NFATC2: variants seen among roughly 807,000 people sequenced by gnomAD.
The protein encoded by NFATC2 is nuclear factor of activated T-cells, cytoplasmic 2.
A neutral mutation model predicts 87.3 loss-of-function variants in NFATC2; 22 were observed. The ratio of observed to expected loss-of-function variants is 0.25; its 90% CI spans 0.18 to 0.36. The LOEUF is 0.36. NFATC2 is among the 10% of genes least tolerant of loss of function. The pLI is 1.00. For missense variants in NFATC2, 1,149 were observed against 1,259.1 expected, an observed-to-expected ratio of 0.91 and a Z score of 1.32; for synonymous variants, 565 against 542.2, an observed-to-expected ratio of 1.04 and a Z score of -0.58.
intron 6 of NFATC2, among the ~76,000 whole-genome samples, chr20:51,443,945 G>A (rs562512802): frequency 2.0e-4 from 30 of 152,112 alleles, no homozygotes; most frequent in African/African-American, 7.0e-4. Context: ...AAAAAAATAG[G>A]GTGGGGGGAT....
chr20:51,539,181 C>T (rs2076766729), intron 1 of NFATC2, among the ~76,000 whole-genome samples: 1 of 152,224 alleles, frequency 6.6e-6, no homozygotes, highest in Admixed American at 6.5e-5. Flanking sequence ...CCAAAATTCC[C>T]TAATTTACCT....
upstream of NFATC2, among the ~76,000 whole-genome samples, chr20:51,544,292 A>T (rs1245782147): frequency 3.3e-5 from 5 of 151,780 alleles, 1 homozygote; most frequent in African/African-American, 1.2e-4. Flanking sequence ...CGGCCTGAAA[A>T]TTTTTTTAAA....
chr20:51,549,827 C>T (rs1236720525), intron 1 of NFATC2, among the ~76,000 whole-genome samples: 3 of 152,210 alleles, frequency 2.0e-5, no homozygotes, highest in African/African-American at 7.2e-5. Context: ...GCATTCCGCA[C>T]CTGGAATAAC....
intron 6 of NFATC2, among the ~76,000 whole-genome samples, chr20:51,437,724 A>G (rs1317807244): frequency 4.6e-5 from 7 of 152,238 alleles, no homozygotes; most frequent in Non-Finnish European, 7.3e-5. Context: ...TGACTCAGCA[A>G]GACATGGGCT....
chr20:51,507,317 T>C (rs1234274690), intron 3 of NFATC2, among the ~76,000 whole-genome samples: 2 of 151,924 alleles, frequency 1.3e-5, no homozygotes, highest in Non-Finnish European at 2.9e-5. Flanking sequence ...AGATCATGTC[T>C]GTAACAAACA....
intron 6 of NFATC2, among the ~76,000 whole-genome samples, chr20:51,436,393 ATT>A (rs11481937): frequency 0.018 from 2,558 of 142,484 alleles, 36 homozygotes; most frequent in Non-Finnish European, 0.027. Context: ...CTATCTTTCT[ATT>A]TTTTTTTTTT....
chr20:51,468,225 T>C (rs1987868864), intron 5 of NFATC2, among the ~76,000 whole-genome samples: 1 of 152,190 alleles, frequency 6.6e-6, no homozygotes, highest in Non-Finnish European at 1.5e-5. Context: ...AAGTGCTCTG[T>C]CTTGAGTGGT....
chr20:51,398,733 G>T lies in NFATC2; in HGVS notation c.2723-3C>A. ...GCTAAGGTGTGTGTCTATCAGCTCT[G>T]AAAAAGATTTGCAAAATCATTTTTG... On this transcript the variant is annotated splice_region_variant and splice_polypyrimidine_tract_variant and intron_variant, in intron 9 of 10. Transcript: ENST00000371564. The T allele has an allele frequency of 6.2e-7, 1 of 1,601,208 alleles. No homozygotes were observed. Among genetic ancestry groups the T allele is most frequent in the South Asian group, 1.1e-5 (1 of 90,460 alleles).
intron 3 of NFATC2, among the ~76,000 whole-genome samples, chr20:51,500,030 T>A (rs2076052844): frequency 6.6e-6 from 1 of 152,200 alleles, no homozygotes; most frequent in African/African-American, 2.4e-5. Context: ...ATATTAAAAT[T>A]TCATATAATC....
chr20:51,422,529 C>T (rs551128771), intron 9 of NFATC2, among the ~76,000 whole-genome samples: 2 of 148,912 alleles, frequency 1.3e-5, no homozygotes, highest in South Asian at 4.3e-4. Flanking sequence ...AGAGAAGAGC[C>T]AAATAAATGG....
At chr20:51,427,674 G>T (rs1178365739) in intron 9 of NFATC2, among the ~76,000 whole-genome samples, 9 of 152,096 alleles carry the variant, frequency 5.9e-5, no homozygotes, top group Non-Finnish European at 2.9e-5. Flanking sequence ...CCGAGTTCAC[G>T]GCCTCCGCCA....
At chr20:51,477,535 C>CTATATATATATATA (rs11467129) in intron 3 of NFATC2, among the ~76,000 whole-genome samples, 4 of 72,726 alleles carry the variant, frequency 5.5e-5, no homozygotes, top group Non-Finnish European at 8.1e-5. Context: ...GTGTGTGTGT[C>CTATATATATATATA]TATATATATA....
intron 9 of NFATC2, among the ~76,000 whole-genome samples, chr20:51,429,135 C>T (rs1195565013): frequency 6.6e-6 from 1 of 152,220 alleles, no homozygotes; most frequent in African/African-American, 2.4e-5. Context: ...GAATGTTCCA[C>T]GGATGCACGG....
At position 51,524,571 on chromosome 20, in the gene NFATC2, G is replaced by A. The variant is rs2076512614; in HGVS notation, c.131-461C>T. Among the ~76,000 whole-genome samples the A allele has an allele frequency of 6.6e-6, 1 of 152,040 alleles. No individual in the cohort carries two copies. The highest frequency in any genetic ancestry group is 1.5e-5 in the Non-Finnish European group (1 of 68,028). ...ATCCCCTAACCCGTCTGCGCGGTAG[G>A]TCATGACCCCTAGTTTGAAAAGCAC... is the stretch of plus-strand genomic sequence containing the variant. On this transcript the variant is annotated intron_variant, in intron 1 of 10. Transcript: ENST00000371564. The surrounding 1 kb of genome is among the most constrained non-coding windows in gnomAD (Gnocchi z 4.0).
intron 10 of NFATC2, 23 bp downstream of exon 10, chr20:51,398,620 G>A (rs1987593499): frequency 1.3e-6 from 2 of 1,528,244 alleles, no homozygotes; most frequent in Non-Finnish European, 1.8e-6. Flanking sequence ...AAAACAAAAG[G>A]AGAAGCAGAA....
intron 10 of NFATC2, among the ~76,000 whole-genome samples, chr20:51,393,189 G>A (rs1457832469): frequency 6.6e-6 from 1 of 152,196 alleles, no homozygotes; most frequent in South Asian, 2.1e-4. Context: ...TACATGAGAG[G>A]TCGGATTCTG....
chr20:51,460,586 T>C (rs895295535), intron 5 of NFATC2, among the ~76,000 whole-genome samples: 14 of 151,656 alleles, frequency 9.2e-5, no homozygotes, highest in African/African-American at 3.4e-4. Context: ...AGGTCACCTC[T>C]GTGGTCACTG....
intron 9 of NFATC2, among the ~76,000 whole-genome samples, chr20:51,412,610 T>C (rs1979410247): frequency 6.6e-6 from 1 of 152,224 alleles, no homozygotes; most frequent in South Asian, 2.1e-4. Context: ...GGGAGCACCC[T>C]GGCCAGGCCA....
At chr20:51,461,754 C>T (rs1169864236) in intron 5 of NFATC2, among the ~76,000 whole-genome samples, 2 of 152,244 alleles carry the variant, frequency 1.3e-5, no homozygotes, top group African/African-American at 4.8e-5. Context: ...GAATTACGAT[C>T]TATCCAAGAA....
Sources: gnomAD v4.1 joint callset for allele counts (sites outside exome capture counted in the v4.1 genomes callset) on GRCh38, gnomAD v4.1.1 for gene constraint, Gnocchi (gnomAD v3.1) non-coding constraint, MANE v1.5 for transcripts, NCBI Gene and HGNC (gene_info 2026-07-23, HGNC 2026-07-21) for gene names.